EPHA5: variants seen among roughly 807,000 people sequenced by gnomAD.
EPHA5 encodes the protein ephrin type-A receptor 5.
Under a neutral mutation model 105.0 loss-of-function variants are expected in EPHA5, and 60 were observed. That is an observed-to-expected ratio of 0.57 (90% confidence interval 0.46 to 0.71). EPHA5 has a LOEUF of 0.71. EPHA5 is among the 30% of genes least tolerant of loss of function. EPHA5 has a pLI of 0.00. For synonymous variants in EPHA5, 513 were observed against 449.1 expected (o/e 1.14, Z -1.80); for missense variants, 1,218 against 1,274.7 (o/e 0.96, Z 0.68).
chr4:65,552,259 T>C (rs938154010), intron 3 of EPHA5, among the ~76,000 whole-genome samples: 6 of 152,180 alleles, frequency 3.9e-5, no homozygotes, highest in Non-Finnish European at 7.4e-5. Flanking sequence ...TTCCTGGAGC[T>C]TGACCACATT....
intron 7 of EPHA5, among the ~76,000 whole-genome samples, chr4:65,411,883 A>G (rs1293797392): frequency 2.6e-5 from 4 of 152,176 alleles, no homozygotes; most frequent in African/African-American, 9.6e-5. Context: ...ATCTTGAGCT[A>G]AAAAGAAACC....
In EPHA5 at chr4:65,669,702, G is replaced by A. The variant is rs1197560367; in HGVS notation, c.41C>T (p.Pro14Leu). ...SGPRGAGRRR[P>L]PSGGGDTPIT... is the part of the protein sequence containing the mutation. ...GGGGGTGTCGCCGCCGCCGCTTGGGGGCCGCCGGCGTCCCGCACCCCGGGG... is the reference window on the plus strand; with the variant it reads ...GGGGGTGTCGCCGCCGCCGCTTGGGAGCCGCCGGCGTCCCGCACCCCGGGG... Residue 14 changes from proline (P) to leucine (L), a missense_variant, in exon 1 of 17, where the codon CCC becomes CTC. By Grantham distance (98) the Pro-to-Leu change is moderately conservative. This residue lies in a region of EPHA5 where 233 missense variants were observed against 227.5 expected (regional missense o/e 1.02). Transcript: ENST00000613740. 4.6e-6 allele frequency: 6 copies of A among 1,296,626 alleles called. No individual in the cohort carries two copies. Among genetic ancestry groups the A allele is most frequent in the Admixed American group, 7.8e-5 (2 of 25,594 alleles). The allele number at this position is 1,296,626 out of a possible 1,614,324, so 80.3% of individuals were successfully genotyped here. A position where few individuals can be genotyped will look rare whatever the true frequency, so the allele number is the denominator to read the frequency against.
At chr4:65,493,395 G>GA (rs77160889) in intron 4 of EPHA5, among the ~76,000 whole-genome samples, 21,720 of 151,566 alleles carry the variant, frequency 0.14, 2,215 homozygotes, top group East Asian at 0.42. Flanking sequence ...GTATATTCTA[G>GA]AAAAAAAATT....
intron 5 of EPHA5, among the ~76,000 whole-genome samples, chr4:65,459,961 T>C (rs1727973089): frequency 6.6e-6 from 1 of 151,810 alleles, no homozygotes; most frequent in Admixed American, 6.6e-5. Flanking sequence ...CTAGTGCTAA[T>C]GCTGGGTATA....
intron 8 of EPHA5, among the ~76,000 whole-genome samples, chr4:65,389,468 C>T (rs533504967): frequency 1.7e-4 from 26 of 152,020 alleles, no homozygotes; most frequent in Non-Finnish European, 1.0e-4. Context: ...TATTTTGAAA[C>T]AGGTTTCTCT....
chr4:65,346,025 A>C (rs1722190397), intron 14 of EPHA5, among the ~76,000 whole-genome samples: 1 of 150,876 alleles, frequency 6.6e-6, no homozygotes, highest in Admixed American at 6.6e-5. Flanking sequence ...GGCCTCCCAA[A>C]GTGCTGGGAT....
chr4:65,401,540 A>T (rs1245836000), intron 8 of EPHA5, among the ~76,000 whole-genome samples: 1 of 152,146 alleles, frequency 6.6e-6, no homozygotes, highest in Non-Finnish European at 1.5e-5. Flanking sequence ...TAATGCAAAA[A>T]GTTGGTTTCT....
intron 2 of EPHA5, among the ~76,000 whole-genome samples, chr4:65,639,412 G>A (rs920434889): frequency 4.6e-5 from 7 of 152,108 alleles, no homozygotes; most frequent in African/African-American, 1.2e-4. Context: ...AGAGGTCATC[G>A]CTTTGCCTTC....
intron 3 of EPHA5, among the ~76,000 whole-genome samples, chr4:65,567,348 C>T (rs997958379): frequency 6.6e-6 from 1 of 151,522 alleles, no homozygotes; most frequent in African/African-American, 2.4e-5. Context: ...TCTTGAAATG[C>T]TTATAATATG....
intron 8 of EPHA5, among the ~76,000 whole-genome samples, chr4:65,372,233 T>C (rs1213926497): frequency 6.6e-6 from 1 of 151,942 alleles, no homozygotes; most frequent in Non-Finnish European, 1.5e-5. Flanking sequence ...TTTGAATTTT[T>C]CACTTCGGGA....
At chr4:65,341,780 T>A (rs1721749203) in intron 14 of EPHA5, among the ~76,000 whole-genome samples, 1 of 151,894 alleles carries the variant, frequency 6.6e-6, no homozygotes, top group Admixed American at 6.6e-5. Context: ...TGAATTAAGT[T>A]CTATCTAGGG....
chr4:65,593,459 T>C (rs905721428), intron 3 of EPHA5, among the ~76,000 whole-genome samples: 1 of 152,206 alleles, frequency 6.6e-6, no homozygotes, highest in African/African-American at 2.4e-5. Context: ...GAGTGCTTTC[T>C]TTCAGTGCTT....
chr4:65,517,242 T>C (rs1427646932), intron 3 of EPHA5, among the ~76,000 whole-genome samples: 3 of 151,952 alleles, frequency 2.0e-5, no homozygotes, highest in East Asian at 1.9e-4. Context: ...ATACTCCTTG[T>C]TCTGTAATCT....
At chr4:65,373,806 G>A (rs931762087) in intron 8 of EPHA5, among the ~76,000 whole-genome samples, 4 of 151,848 alleles carry the variant, frequency 2.6e-5, no homozygotes, top group Admixed American at 6.6e-5. Context: ...CTTTTCCCTT[G>A]CCATTTAAAT....
chr4:65,449,872 C>A (rs533324465), intron 5 of EPHA5, among the ~76,000 whole-genome samples: 3 of 152,036 alleles, frequency 2.0e-5, no homozygotes, highest in South Asian at 4.2e-4. Context: ...AGGAGGGAGG[C>A]CTGAAACAGG....
rs1367799773 is a variant in EPHA5 at position 65,543,922 on chromosome 4, C to T, written c.911-48379G>A. 2.6e-5 allele frequency among the ~76,000 whole-genome samples: 4 copies of T among 152,054 alleles called. No individual in the cohort carries two copies. In the South Asian group the frequency reaches 8.3e-4, roughly 32 times the overall value. On this transcript the variant is annotated intron_variant, in intron 3 of 16. Transcript: ENST00000613740. ...CAGAGACCTCAGAAATAACACCACA[C>T]ATCTACAACCATCTAATCTTCAACA... is the stretch of plus-strand genomic sequence containing the variant.
At chr4:65,467,777 T>C (rs1263779013) in intron 5 of EPHA5, among the ~76,000 whole-genome samples, 1 of 152,144 alleles carries the variant, frequency 6.6e-6, no homozygotes, top group Non-Finnish European at 1.5e-5. Context: ...GTTTGCTAAT[T>C]AGCAGACAGG....
chr4:65,454,713 T>G (rs944907369), intron 5 of EPHA5, among the ~76,000 whole-genome samples: 1 of 152,212 alleles, frequency 6.6e-6, no homozygotes, highest in Non-Finnish European at 1.5e-5. Context: ...TAAATTGACC[T>G]GACAGAACAG....
At chr4:65,402,628 A>T (rs1188051572) in intron 8 of EPHA5, among the ~76,000 whole-genome samples, 1 of 152,156 alleles carries the variant, frequency 6.6e-6, no homozygotes, top group Non-Finnish European at 1.5e-5. Context: ...ACACACAACA[A>T]ATACAGAATC....
Sources: gnomAD v4.1 joint callset for allele counts (sites outside exome capture counted in the v4.1 genomes callset) on GRCh38, gnomAD v4.1.1 for gene constraint, gnomAD v4.1.1 regional missense constraint, MANE v1.5 for transcripts, NCBI Gene and HGNC (gene_info 2026-07-23, HGNC 2026-07-21) for gene names.